Variants in GRIN2B observed in about 807,000 individuals in gnomAD.
GRIN2B encodes glutamate receptor ionotropic, NMDA 2B.
A neutral mutation model predicts 114.5 loss-of-function variants in GRIN2B; 5 were observed. The ratio of observed to expected loss-of-function variants is 0.04; its 90% CI spans 0.02 to 0.09. The LOEUF is 0.09. GRIN2B is among the 10% of genes least tolerant of loss of function. The pLI is 1.00. For synonymous variants in GRIN2B, 787 were observed against 745.1 expected (o/e 1.06, Z -0.92); for missense variants, 1,108 against 1,943.5 (o/e 0.57, Z 8.08).
chr12:13,778,621 G>A (rs1864048641), intron 3 of GRIN2B, among the ~76,000 whole-genome samples: 2 of 152,136 alleles, frequency 1.3e-5, no homozygotes, highest in Admixed American at 1.3e-4. Context: ...CTTAACAACT[G>A]CACAACCACA....
rs565772079 is a variant in GRIN2B at position 13,899,788 on chromosome 12, T to A, written c.-18-33562A>T. Among the ~76,000 whole-genome samples the A allele has an allele frequency of 1.2e-3, 179 of 145,020 alleles. 25 individuals are homozygous for A. The South Asian group carries it at 0.031, about 25-fold the overall frequency. On this transcript the variant is annotated intron_variant, in intron 2 of 13. Transcript: ENST00000609686. ...ATGAAGACGTAGCTATGGCCATGCT[T>A]TTTTTAGAGAAATCCACAGATGTGC...
chr12:13,959,834 C>A (rs1363947117), intron 2 of GRIN2B, among the ~76,000 whole-genome samples: 1 of 127,952 alleles, frequency 7.8e-6, no homozygotes, highest in Non-Finnish European at 1.6e-5. Context: ...AGAGATTTTT[C>A]TATCCACCAC....
intron 2 of GRIN2B, among the ~76,000 whole-genome samples, chr12:13,939,507 G>T (rs1867196025): frequency 6.7e-6 from 1 of 148,706 alleles, no homozygotes; most frequent in African/African-American, 2.5e-5. Flanking sequence ...AAGGTTTCAT[G>T]AGGCTCTCAC....
chr12:13,708,951 T>C (rs1028376070), intron 4 of GRIN2B, among the ~76,000 whole-genome samples: 1 of 152,090 alleles, frequency 6.6e-6, no homozygotes, highest in Non-Finnish European at 1.5e-5. Context: ...TGGTAATAGA[T>C]AATAAATGAG....
At chr12:13,598,326 A>C (rs1565469227) in intron 10 of GRIN2B, among the ~76,000 whole-genome samples, 1 of 152,160 alleles carries the variant, frequency 6.6e-6, no homozygotes, top group East Asian at 1.9e-4. Flanking sequence ...GGGAGCCTTG[A>C]AAAACACCTC....
chr12:13,716,593 G>T (rs116304401), intron 4 of GRIN2B, among the ~76,000 whole-genome samples: 1 of 151,874 alleles, frequency 6.6e-6, no homozygotes, highest in Non-Finnish European at 1.5e-5. Flanking sequence ...AAGAAAGATG[G>T]AAGACAGGGA....
rs143043125 is a variant in GRIN2B at position 13,845,680 on chromosome 12, G to C, written c.411+20118C>G. Among the ~76,000 whole-genome samples, 596 of 152,226 alleles carry C rather than the reference G, an allele frequency of 3.9e-3. 5 individuals are homozygous for C. Among genetic ancestry groups the C allele is most frequent in the African/African-American group, 0.014 (568 of 41,554 alleles). ...AGTCTCTAAGATCCCTTCCAACCTT[G>C]ATGGTCTTTGATACCATGTAGTAAG... On this transcript the variant is annotated intron_variant, in intron 3 of 13. Transcript: ENST00000609686.
chr12:13,672,494 G>A (rs1024001042), intron 5 of GRIN2B, among the ~76,000 whole-genome samples: 9 of 152,090 alleles, frequency 5.9e-5, no homozygotes, highest in South Asian at 2.1e-4. Context: ...TCCTGGGGAC[G>A]AGGATAACAG....
intron 5 of GRIN2B, among the ~76,000 whole-genome samples, chr12:13,647,415 C>T (rs1439029874): frequency 6.6e-6 from 1 of 152,120 alleles, no homozygotes; most frequent in Non-Finnish European, 1.5e-5. Context: ...AGGTTAAATG[C>T]TGTCCAATCC....
At chr12:13,735,535 A>G (rs1863162379) in intron 4 of GRIN2B, among the ~76,000 whole-genome samples, 1 of 152,132 alleles carries the variant, frequency 6.6e-6, no homozygotes, top group South Asian at 2.1e-4. Flanking sequence ...CAGGGTTTTC[A>G]TTGTCTCATG....
At chr12:13,865,593 T>C (rs1215818446) in intron 3 of GRIN2B, among the ~76,000 whole-genome samples, 2 of 151,980 alleles carry the variant, frequency 1.3e-5, no homozygotes, top group Non-Finnish European at 2.9e-5. Flanking sequence ...GATGGCATCA[T>C]TGCACTCCAG....
At chr12:13,824,729 G>GCT (rs1710372855) in intron 3 of GRIN2B, among the ~76,000 whole-genome samples, 2 of 151,936 alleles carry the variant, frequency 1.3e-5, no homozygotes, top group South Asian at 4.2e-4. Flanking sequence ...GGTGGCACAT[G>GCT]CTTGTAATCT....
At chr12:13,649,594 CT>C (rs1207548461) in intron 5 of GRIN2B, among the ~76,000 whole-genome samples, 2 of 152,034 alleles carry the variant, frequency 1.3e-5, no homozygotes, top group African/African-American at 4.8e-5. Flanking sequence ...CCCAAGTTAA[CT>C]TGATAGAAAC....
At chr12:13,785,758 A>T (rs1228607122) in intron 3 of GRIN2B, among the ~76,000 whole-genome samples, 1 of 152,186 alleles carries the variant, frequency 6.6e-6, no homozygotes, top group Non-Finnish European at 1.5e-5. Context: ...TGATGTAACA[A>T]ATATAGCAAC....
chr12:13,791,710 G>T (rs1864325100), intron 3 of GRIN2B, among the ~76,000 whole-genome samples: 1 of 152,040 alleles, frequency 6.6e-6, no homozygotes, highest in African/African-American at 2.4e-5. Flanking sequence ...TGTATTATAT[G>T]TACATATTTT....
At chr12:13,803,590 A>G (rs1358924702) in intron 3 of GRIN2B, among the ~76,000 whole-genome samples, 1 of 152,212 alleles carries the variant, frequency 6.6e-6, no homozygotes, top group African/African-American at 2.4e-5. Context: ...AATGTTAAAA[A>G]AGAAGTTTTC....
At chr12:13,744,713 A>G (rs2136619808) in intron 4 of GRIN2B, among the ~76,000 whole-genome samples, 1 of 152,316 alleles carries the variant, frequency 6.6e-6, no homozygotes, top group South Asian at 2.1e-4. Context: ...AACAGATTTC[A>G]GCAGCGGGAA....
At position 13,577,469 on chromosome 12, in the gene GRIN2B, C is replaced by T. The variant is rs549746771; in HGVS notation, c.2011-5505G>A. Among the ~76,000 whole-genome samples, 4 of 152,274 alleles carry T rather than the reference C, an allele frequency of 2.6e-5. No homozygotes were observed. In the East Asian group the frequency reaches 7.7e-4, roughly 29 times the overall value. ...AGGGCCAGGAGTCAAGGCCCCCACC[C>T]AGAGATGAGCAGACACTAGGGTCCT... On this transcript the variant is annotated intron_variant, in intron 10 of 13. Transcript: ENST00000609686.
chr12:13,959,721 G>T (rs1481536602), intron 2 of GRIN2B, among the ~76,000 whole-genome samples: 1 of 151,746 alleles, frequency 6.6e-6, no homozygotes, highest in Non-Finnish European at 1.5e-5. Context: ...CTGATTGAAT[G>T]AAGGGAGAAG....
Sources: allele counts gnomAD v4.1 joint callset (sites outside exome capture counted in the v4.1 genomes callset), GRCh38; gene constraint gnomAD v4.1.1; transcripts MANE v1.5; gene names NCBI Gene and HGNC (gene_info 2026-07-23, HGNC 2026-07-21).